Variants in CD8A observed in about 807,000 individuals in gnomAD.
The protein encoded by CD8A is T-cell surface glycoprotein CD8 alpha chain.
Under a neutral mutation model 24.2 loss-of-function variants are expected in CD8A, and 25 were observed. The observed-to-expected ratio is 1.03, with a 90% CI of 0.75 to 1.44. The LOEUF (loss-of-function observed/expected upper bound fraction) is 1.44. Among genes scored for constraint, CD8A ranks in the 40% most tolerant of loss-of-function variants. CD8A has a pLI of 0.00. For synonymous variants in CD8A, 165 were observed against 149.9 expected (o/e 1.10, Z -0.74); for missense variants, 360 against 319.7 (o/e 1.13, Z -0.96).
chr2:86,789,882 C>A, intron 2 of CD8A, 132 bp from the exon 3 acceptor site: 1 of 579,958 alleles, frequency 1.7e-6, no homozygotes, highest in Non-Finnish European at 2.8e-6. Context: ...GCAGAGGAGA[C>A]AGGATGGGGA....
At chr2:86,794,175 T>C (rs138617148), upstream of CD8A, among the ~76,000 whole-genome samples, 226 of 152,298 alleles carry the variant, frequency 1.5e-3, no homozygotes, top group African/African-American at 5.2e-3. Flanking sequence ...GAAATGTGAA[T>C]GACTGCACTC....
chr2:86,790,557 G>C lies in CD8A; in HGVS notation c.174C>G (p.Phe58Leu). 6.2e-7 allele frequency: 1 copy of C among 1,613,322 alleles called. No homozygotes were observed. Among genetic ancestry groups the C allele is most frequent in the Non-Finnish European group, 8.5e-7 (1 of 1,179,976 alleles). The part of the protein sequence containing the change: ...SNPTSGCSWL[F>L]QPRGAAASPT... Reference sequence around the variant, plus strand: ...GACTGGCGGCGGCGCCGCGCGGCTGGAAGAGCCACGAGCAGCCCGACGTCG... The same window carrying C: ...GACTGGCGGCGGCGCCGCGCGGCTGCAAGAGCCACGAGCAGCCCGACGTCG... Residue 58 changes from phenylalanine (F) to leucine (L), a missense_variant, in exon 2 of 6, where the codon TTC becomes TTG. Physicochemically the swap from Phe to Leu is conservative, Grantham distance 22. Coordinates refer to ENST00000283635, the MANE Select transcript of CD8A (RefSeq NM_001768.7).
intron 3 of CD8A, among the ~76,000 whole-genome samples, chr2:86,796,515 A>G (rs879551250): frequency 2.0e-5 from 3 of 152,204 alleles, no homozygotes; most frequent in African/African-American, 4.8e-5. Context: ...AGAGAGGGTA[A>G]GAAGCTGAAC....
At chr2:86,791,391 A>G, upstream of CD8A, 1 of 398,414 alleles carries the variant, frequency 2.5e-6, no homozygotes, top group Non-Finnish European at 5.0e-6. Context: ...CCGAGGAAGG[A>G]CCCTCTCCCT....
chr2:86,789,067 C>A (rs933043779), intron 4 of CD8A, among the ~76,000 whole-genome samples: 11 of 152,208 alleles, frequency 7.2e-5, no homozygotes, highest in Admixed American at 2.6e-4. Flanking sequence ...CTGCGGGCTT[C>A]GTCGACGGAA....
At chr2:86,794,074 CAG>C (rs1673400043), upstream of CD8A, among the ~76,000 whole-genome samples, 1 of 152,154 alleles carries the variant, frequency 6.6e-6, no homozygotes. Flanking sequence ...TTCTGTAGAC[CAG>C]GTGTGCAGAG....
chr2:86,805,147 A>G (rs1190574704), intron 2 of CD8A, among the ~76,000 whole-genome samples: 3 of 151,972 alleles, frequency 2.0e-5, no homozygotes, highest in Admixed American at 6.6e-5. Flanking sequence ...AGTCTTTCAT[A>G]CTTTGGGGTG....
At position 86,785,883 on chromosome 2, in the gene CD8A, T is replaced by C; in HGVS notation, c.*37A>G. On this transcript the variant is annotated 3_prime_UTR_variant, in exon 6 of 6. Coordinates refer to ENST00000283635, the MANE Select transcript of CD8A (RefSeq NM_001768.7). ...GGACTTGCTCCCTCAAAAGGAAGGATCTCAGTTTGAAGTAATGTAGTGGCT... is the reference window on the plus strand; with the variant it reads ...GGACTTGCTCCCTCAAAAGGAAGGACCTCAGTTTGAAGTAATGTAGTGGCT... 6.8e-7 allele frequency: 1 copy of C among 1,479,908 alleles called. No individual in the cohort carries two copies. The highest frequency in any genetic ancestry group is 9.5e-7 in the Non-Finnish European group (1 of 1,057,396). The allele number at this position is 1,479,908 out of a possible 1,614,324, so 91.7% of individuals were successfully genotyped here. A position where few individuals can be genotyped will look rare whatever the true frequency, so the allele number is the denominator to read the frequency against.
At position 86,804,639 on chromosome 2, in the gene CD8A, C is replaced by T. The variant is rs546094560; in HGVS notation, c.-418+2808G>A. On this transcript the variant is annotated intron_variant, in intron 2 of 8. Coordinates refer to the CD8A transcript ENST00000409511. ...TATTTTTTTTAGAGACAGAGTCTAG[C>T]TCTGTCAACCAGGTTGAGTGCATTG... Among the ~76,000 whole-genome samples the T allele has an allele frequency of 2.0e-5, 3 of 152,074 alleles. No homozygotes were observed. In the South Asian group the frequency reaches 6.2e-4, roughly 32 times the overall value.
rs1224365913 is a variant in CD8A at position 86,785,547 on chromosome 2, A to G, written c.*373T>C. On this transcript the variant is annotated 3_prime_UTR_variant, in exon 6 of 6. Transcript: ENST00000283635. ...CTGACTTGCTGTGTGCCTTTGATCA[A>G]GCTGTCTCTGGGCTTTAGCCTCCCC... is the stretch of plus-strand genomic sequence containing the variant. The G allele has an allele frequency of 2.1e-6, 1 of 484,748 alleles. No homozygotes were observed. The highest frequency in any genetic ancestry group is 4.0e-6 in the Non-Finnish European group (1 of 247,240). The allele number at this position is 484,748 out of a possible 1,614,324, so 30.0% of individuals were successfully genotyped here. A position where few individuals can be genotyped will look rare whatever the true frequency, so the allele number is the denominator to read the frequency against.
chr2:86,803,286 A>T (rs1168775596), intron 2 of CD8A, among the ~76,000 whole-genome samples: 5 of 152,212 alleles, frequency 3.3e-5, no homozygotes, highest in African/African-American at 1.2e-4. Flanking sequence ...AAGGAAATGA[A>T]ATCACCACCT....
chr2:86,799,077 C>T (rs1673577224), intron 3 of CD8A, among the ~76,000 whole-genome samples: 1 of 152,100 alleles, frequency 6.6e-6, no homozygotes, highest in South Asian at 2.1e-4. Flanking sequence ...TTCAGTGGTT[C>T]TTGAACCAGA....
At chr2:86,801,781 AAATT>A (rs1345423828) in intron 2 of CD8A, 3 of 152,226 alleles carry the variant, frequency 2.0e-5, no homozygotes, top group Admixed American at 6.5e-5. Flanking sequence ...AAGCAAAACA[AAATT>A]AATACTGAAC....
At chr2:86,792,873 G>T (rs1423769812), upstream of CD8A, among the ~76,000 whole-genome samples, 2 of 150,804 alleles carry the variant, frequency 1.3e-5, no homozygotes, top group Non-Finnish European at 2.9e-5. Flanking sequence ...CATCCAAGAT[G>T]CTTATTCTAG....
chr2:86,797,659 C>T (rs1301877125), intron 3 of CD8A, among the ~76,000 whole-genome samples: 1 of 151,990 alleles, frequency 6.6e-6, no homozygotes, highest in Admixed American at 6.5e-5. Flanking sequence ...TCATTATTCA[C>T]TCATTTAAAT....
intron 4 of CD8A, 47 bp from the exon 5 acceptor site, chr2:86,788,607 A>G (rs2104434015): frequency 6.5e-7 from 1 of 1,538,080 alleles, no homozygotes; most frequent in African/African-American, 1.4e-5. Context: ...CTATCCATCA[A>G]TAGTCCCCAA....
chr2:86,793,612 C>T (rs1261432381), upstream of CD8A, among the ~76,000 whole-genome samples: 3 of 152,142 alleles, frequency 2.0e-5, no homozygotes, highest in Non-Finnish European at 4.4e-5. Flanking sequence ...GTCAAATGGC[C>T]CTGCTGGCCA....
At chr2:86,788,125 C>G (rs768475124) in intron 5 of CD8A, among the ~76,000 whole-genome samples, 5 of 151,864 alleles carry the variant, frequency 3.3e-5, no homozygotes, top group Non-Finnish European at 7.4e-5. Flanking sequence ...AAAACTAGAC[C>G]AGCCAAGTAG....
At chr2:86,807,662 T>C (rs1673958597) in exon 2 of CD8A, 1 of 152,508 alleles carries the variant, frequency 6.6e-6, no homozygotes. Flanking sequence ...GGTGCCAGGA[T>C]GAGGTGGGTG....
Sources: allele counts gnomAD v4.1 joint callset (sites outside exome capture counted in the v4.1 genomes callset), GRCh38; gene constraint gnomAD v4.1.1; transcripts MANE v1.5; gene names NCBI Gene and HGNC (gene_info 2026-07-23, HGNC 2026-07-21).